The following ZC3H8 variants were observed in gnomAD, a reference collection of about 807,000 sequenced individuals.
ZC3H8 encodes zinc finger CCCH domain-containing protein 8.
In ZC3H8, 27 loss-of-function variants were observed where a neutral mutation model predicts 42.5. That is an observed-to-expected ratio of 0.64 (90% CI 0.47 to 0.88). The LOEUF is 0.88. ZC3H8 is among the 40% of genes least tolerant of loss of function. The probability of loss-of-function intolerance (pLI) is 0.00; values close to 1 mark genes in which losing one functional copy is unlikely to be tolerated. For synonymous variants in ZC3H8, 101 were observed against 110.1 expected, an observed-to-expected ratio of 0.92 and a Z score of 0.52; for missense variants, 277 against 336.1, an observed-to-expected ratio of 0.82 and a Z score of 1.37.
At position 112,216,088 on chromosome 2, in the gene ZC3H8, G is replaced by A. The variant is rs1684308466; in HGVS notation, c.*396C>T. 6.6e-6 allele frequency: 1 copy of A among 152,160 alleles called. No individual in the cohort carries two copies. The highest frequency in any genetic ancestry group is 1.9e-4 in the East Asian group (1 of 5,198). 9.4% of individuals were successfully genotyped at this position (152,160 alleles called of 1,614,324 possible). A position where few individuals can be genotyped will look rare whatever the true frequency, so the allele number is the denominator to read the frequency against. On this transcript the variant is annotated 3_prime_UTR_variant, in exon 9 of 9. Coordinates refer to ENST00000409573, the MANE Select transcript of ZC3H8 (RefSeq NM_032494.3). ...TGGTCCATCTACCAATGTCTTCCGA[G>A]CAGTTCTCTCTCCTCAAACCTCCTC...
rs141677379 is a variant in ZC3H8 at position 112,228,944 on chromosome 2, A to G, written c.*15+1959T>C. On this transcript the variant is annotated intron_variant, in intron 8 of 8. Transcript: ENST00000409573. ...AAACTGACTAATGGCCAATAAGCAC[A>G]TGAAAAGATGTTCATAGTCATTTGA... Among the ~76,000 whole-genome samples the G allele has an allele frequency of 5.3e-5, 8 of 152,222 alleles. No individual in the cohort carries two copies. The East Asian group carries it at 1.5e-3, about 29-fold the overall frequency.
chr2:112,236,457 G>A (rs1221789684), intron 4 of ZC3H8, 105 bp downstream of exon 4: 1 of 1,448,636 alleles, frequency 6.9e-7, no homozygotes, highest in Non-Finnish European at 9.3e-7. Flanking sequence ...TCTGTGGGAT[G>A]CTTCCACCTC....
At chr2:112,220,935 G>C (rs914224255) in intron 8 of ZC3H8, among the ~76,000 whole-genome samples, 1 of 152,166 alleles carries the variant, frequency 6.6e-6, no homozygotes, top group African/African-American at 2.4e-5. Context: ...TCCGTCATGA[G>C]GATGATCTTC....
chr2:112,243,906 AT>A (rs1227266223), intron 2 of ZC3H8, among the ~76,000 whole-genome samples: 2 of 152,234 alleles, frequency 1.3e-5, no homozygotes, highest in African/African-American at 4.8e-5. Context: ...ATATTAAAAA[AT>A]ATATTCAAAA....
chr2:112,222,237 T>A (rs1684620874), intron 8 of ZC3H8, among the ~76,000 whole-genome samples: 1 of 152,192 alleles, frequency 6.6e-6, no homozygotes. Context: ...AGATAGGTTG[T>A]ATCCTTGCTA....
intron 2 of ZC3H8, among the ~76,000 whole-genome samples, chr2:112,248,497 AT>A (rs950609121): frequency 3.3e-5 from 5 of 149,406 alleles, no homozygotes; most frequent in South Asian, 2.1e-4. Flanking sequence ...GTTAAAACTC[AT>A]TTTTTTTTTG....
intron 3 of ZC3H8, among the ~76,000 whole-genome samples, chr2:112,236,946 T>C (rs1335025177): frequency 6.6e-6 from 1 of 152,156 alleles, no homozygotes; most frequent in Admixed American, 6.5e-5. Flanking sequence ...GTCCAGCTAC[T>C]CTGGGACTAT....
At chr2:112,237,893 G>T (rs992515729) in intron 3 of ZC3H8, among the ~76,000 whole-genome samples, 1 of 152,138 alleles carries the variant, frequency 6.6e-6, no homozygotes, top group Non-Finnish European at 1.5e-5. Context: ...ATTGCCATTT[G>T]CCCTCATATT....
chr2:112,217,043 A>G (rs1425257097), intron 8 of ZC3H8, among the ~76,000 whole-genome samples: 1 of 152,240 alleles, frequency 6.6e-6, no homozygotes, highest in African/African-American at 2.4e-5. Flanking sequence ...CATATGTTCC[A>G]TACAAGAAAC....
chr2:112,238,986 C>T (rs1685468899), intron 2 of ZC3H8, among the ~76,000 whole-genome samples: 1 of 152,142 alleles, frequency 6.6e-6, no homozygotes, highest in Non-Finnish European at 1.5e-5. Flanking sequence ...ATATGAAAAC[C>T]CACTTACACT....
chr2:112,230,957 T>TAA lies in ZC3H8; in HGVS notation c.844-9_844-8dup. 11 of 1,172,912 alleles carry TAA rather than the reference T, an allele frequency of 9.4e-6. No individual in the cohort carries two copies. Among genetic ancestry groups the TAA allele is most frequent in the South Asian group, 3.3e-5 (2 of 60,290 alleles). 72.7% of individuals were successfully genotyped at this position (1,172,912 alleles called of 1,614,324 possible). ...TCTTTTCAGTATCCAAAACCTAATATAAAAAAAAAATCACATAATCATTTT... is the reference window on the plus strand; with the variant it reads ...TCTTTTCAGTATCCAAAACCTAATATAAAAAAAAAAAATCACATAATCATTTT... On this transcript the variant is annotated splice_polypyrimidine_tract_variant and splice_region_variant and intron_variant, in intron 7 of 8. Transcript: ENST00000409573.
intron 4 of ZC3H8, among the ~76,000 whole-genome samples, chr2:112,235,953 A>AT (rs1685302714): frequency 6.6e-6 from 1 of 151,218 alleles, no homozygotes. Flanking sequence ...AAAAAAAAAA[A>AT]AAATCAAGGA....
chr2:112,245,237 G>A (rs1291798016), intron 2 of ZC3H8, among the ~76,000 whole-genome samples: 1 of 152,260 alleles, frequency 6.6e-6, no homozygotes, highest in East Asian at 1.9e-4. Flanking sequence ...TCCAGGGCAA[G>A]GCCCTAACTC....
chr2:112,237,522 A>G (rs926992618), intron 3 of ZC3H8, among the ~76,000 whole-genome samples: 4 of 152,210 alleles, frequency 2.6e-5, no homozygotes, highest in African/African-American at 9.7e-5. Context: ...GGCTCAAGCA[A>G]TACAGATCCA....
intron 1 of ZC3H8, among the ~76,000 whole-genome samples, chr2:112,252,072 TC>T (rs1227869023): frequency 6.6e-6 from 1 of 152,228 alleles, no homozygotes; most frequent in Non-Finnish European, 1.5e-5. Flanking sequence ...TTCCAGGCTA[TC>T]CCTTTCTATA....
At chr2:112,243,094 A>C (rs1685639515) in intron 2 of ZC3H8, among the ~76,000 whole-genome samples, 1 of 152,216 alleles carries the variant, frequency 6.6e-6, no homozygotes, top group South Asian at 2.1e-4. Context: ...CTTGGCTTTT[A>C]ATGAGTTCAC....
Position 112,238,333 on chromosome 2 carries a change from C to G in ZC3H8, c.352G>C (p.Val118Leu), listed in dbSNP as rs756651356. Residue 118 changes from valine (V) to leucine (L), a missense_variant, in exon 3 of 9, where the codon GTA becomes CTA. Transcript: ENST00000409573. Reference protein sequence around the residue: ...QPEESTKKEGVKDTPQAAKQK... With the variant: ...QPEESTKKEGLKDTPQAAKQK... ...CTCTTACCCTGTGGGGTATCTTTTA[C>G]TCCTTCTTTCTTTGTAGATTCTTCA... 1 of 1,613,574 alleles carries G rather than the reference C, an allele frequency of 6.2e-7. No homozygotes were observed. The highest frequency in any genetic ancestry group is 1.7e-5 in the Admixed American group (1 of 59,996).
At chr2:112,236,133 G>A (rs564345032) in intron 4 of ZC3H8, among the ~76,000 whole-genome samples, 5 of 151,998 alleles carry the variant, frequency 3.3e-5, no homozygotes, top group South Asian at 4.2e-4. Flanking sequence ...GCATGGTGGC[G>A]GGCGCCTGTA....
chr2:112,227,971 C>T (rs1684919466), intron 8 of ZC3H8, among the ~76,000 whole-genome samples: 1 of 151,736 alleles, frequency 6.6e-6, no homozygotes, highest in African/African-American at 2.4e-5. Context: ...AGCAAAAGAT[C>T]CAGAGTAGCC....
Sources: allele counts gnomAD v4.1 joint callset (sites outside exome capture counted in the v4.1 genomes callset), GRCh38; gene constraint gnomAD v4.1.1; transcripts MANE v1.5; gene names NCBI Gene and HGNC (gene_info 2026-07-23, HGNC 2026-07-21).